SLC39A9: variants seen among roughly 807,000 people sequenced by gnomAD.
SLC39A9 encodes the protein zinc transporter ZIP9.
SLC39A9 carries 14 observed loss-of-function variants against 28.4 expected under a neutral mutation model. That is an observed-to-expected ratio of 0.49 (90% CI 0.33 to 0.77). SLC39A9 has a LOEUF of 0.77. SLC39A9 is among the 30% of genes least tolerant of loss of function. SLC39A9 has a pLI of 0.02. For missense variants in SLC39A9, 283 were observed against 381.1 expected (o/e 0.74, Z 2.14); for synonymous variants, 119 against 149.6 (o/e 0.80, Z 1.49).
chr14:69,445,654 AC>A (rs1419140276), intron 3 of SLC39A9, among the ~76,000 whole-genome samples: 1 of 152,188 alleles, frequency 6.6e-6, no homozygotes, highest in Non-Finnish European at 1.5e-5. Flanking sequence ...ACTTACCTTT[AC>A]AAAAAAGAAA....
intron 1 of SLC39A9, among the ~76,000 whole-genome samples, chr14:69,414,168 C>T (rs968582292): frequency 2.6e-5 from 4 of 151,958 alleles, no homozygotes; most frequent in African/African-American, 9.7e-5. Context: ...CTCTCTCAGC[C>T]TCCTGAGTAG....
At chr14:69,433,847 C>G (rs1300845531) in intron 2 of SLC39A9, among the ~76,000 whole-genome samples, 3 of 152,080 alleles carry the variant, frequency 2.0e-5, no homozygotes, top group Non-Finnish European at 4.4e-5. Context: ...TACAGTGGCA[C>G]AGTCTCAGCT....
rs2139464445 is a variant in SLC39A9 at position 69,459,669 on chromosome 14, A to G, written c.*1076A>G. 5 of 984,938 alleles carry G rather than the reference A, an allele frequency of 5.1e-6. No individual in the cohort carries two copies. The highest frequency in any genetic ancestry group is 6.0e-6 in the Non-Finnish European group (5 of 829,770). 61.0% of individuals were successfully genotyped at this position (984,938 alleles called of 1,614,324 possible). On this transcript the variant is annotated 3_prime_UTR_variant, in exon 7 of 7. Coordinates refer to ENST00000336643, the MANE Select transcript of SLC39A9 (RefSeq NM_018375.5). ...TTCTCACATAACCACCTGTAGCAAG[A>G]TGGATCATAAATGAGAAGTGTTTGC...
chr14:69,426,074 A>G (rs373619907), intron 2 of SLC39A9, among the ~76,000 whole-genome samples: 2 of 152,342 alleles, frequency 1.3e-5, no homozygotes, highest in East Asian at 3.9e-4. Flanking sequence ...AATCATAAAC[A>G]CAGAAGAAAA....
chr14:69,440,505 A>G (rs574556609), intron 2 of SLC39A9, among the ~76,000 whole-genome samples: 106 of 152,270 alleles, frequency 7.0e-4, no homozygotes, highest in Middle Eastern at 3.4e-3. Flanking sequence ...GGATGACTTC[A>G]GTCCAGGAAA....
intron 1 of SLC39A9, among the ~76,000 whole-genome samples, chr14:69,406,525 A>G (rs1462043232): frequency 6.6e-6 from 1 of 152,040 alleles, no homozygotes; most frequent in Non-Finnish European, 1.5e-5. Context: ...TCAGCTCAGT[A>G]TGGAATTCCA....
intron 1 of SLC39A9, among the ~76,000 whole-genome samples, chr14:69,403,396 T>C (rs1882742308): frequency 6.6e-6 from 1 of 152,238 alleles, no homozygotes; most frequent in African/African-American, 2.4e-5. Context: ...GTTACTCACC[T>C]GAGTATGTCT....
intron 1 of SLC39A9, among the ~76,000 whole-genome samples, chr14:69,421,767 G>A (rs139213776): frequency 2.4e-4 from 37 of 152,294 alleles, no homozygotes; most frequent in African/African-American, 5.1e-4. Flanking sequence ...GGACTGCTGC[G>A]CTAGCAGTGA....
chr14:69,451,077 T>G (rs1320964305), intron 3 of SLC39A9, among the ~76,000 whole-genome samples: 1 of 152,218 alleles, frequency 6.6e-6, no homozygotes, highest in Non-Finnish European at 1.5e-5. Context: ...ATGATAAGCC[T>G]TTGTATAAAA....
chr14:69,407,302 C>CCTTCCTTCCTTCCTTCCTT (rs1555405708), intron 1 of SLC39A9, among the ~76,000 whole-genome samples: 94 of 143,936 alleles, frequency 6.5e-4, no homozygotes, highest in African/African-American at 2.3e-3. Context: ...TCCCTTCCTT[C>CCTTCCTTCCTTCCTTCCTT]CCTTCCTTCC....
intron 6 of SLC39A9, among the ~76,000 whole-genome samples, chr14:69,457,936 A>G (rs1885941990): frequency 6.6e-6 from 1 of 152,220 alleles, no homozygotes; most frequent in South Asian, 2.1e-4. Context: ...GGACAGAATG[A>G]TGGAACTGTG....
chr14:69,410,504 G>C (rs1364400593), intron 1 of SLC39A9, among the ~76,000 whole-genome samples: 4 of 152,324 alleles, frequency 2.6e-5, no homozygotes, highest in Middle Eastern at 3.4e-3. Context: ...AGCCCAGGAA[G>C]GTTAAAGACT....
chr14:69,454,552 G>A, intron 4 of SLC39A9: 1 of 325,018 alleles, frequency 3.1e-6, no homozygotes, highest in Non-Finnish European at 5.6e-6. Context: ...AACAACAACA[G>A]CAACCAAAAT....
intron 3 of SLC39A9, among the ~76,000 whole-genome samples, chr14:69,446,115 C>G (rs2139434583): frequency 6.6e-6 from 1 of 151,780 alleles, no homozygotes; most frequent in Non-Finnish European, 1.5e-5. Context: ...GTCAATGGGT[C>G]ATGTTGATGT....
At chr14:69,423,126 T>A (rs1434694560) in intron 1 of SLC39A9, among the ~76,000 whole-genome samples, 1 of 152,182 alleles carries the variant, frequency 6.6e-6, no homozygotes, top group African/African-American at 2.4e-5. Context: ...AGTTATAAAT[T>A]TTAAGTAAAA....
intron 1 of SLC39A9, among the ~76,000 whole-genome samples, chr14:69,407,646 TTTTTA>T (rs1883015202): frequency 6.8e-6 from 1 of 146,306 alleles, no homozygotes; most frequent in Non-Finnish European, 1.5e-5. Context: ...TTTCTTTTTT[TTTTTA>T]TTTTGAGACA....
chr14:69,434,083 CTTTTTT>C (rs570635766), intron 2 of SLC39A9, among the ~76,000 whole-genome samples: 1 of 128,332 alleles, frequency 7.8e-6, no homozygotes, highest in Admixed American at 7.8e-5. Context: ...CTTTTCTTTT[CTTTTTT>C]TTTTTTTTTT....
intron 4 of SLC39A9, 135 bp downstream of exon 4, chr14:69,453,444 C>T (rs1885709917): frequency 2.9e-6 from 2 of 687,520 alleles, no homozygotes; most frequent in East Asian, 2.9e-5. Flanking sequence ...ATGAAGTCCT[C>T]CAACACAAGC....
At chr14:69,402,247 A>G (rs1420707603) in intron 1 of SLC39A9, among the ~76,000 whole-genome samples, 1 of 152,176 alleles carries the variant, frequency 6.6e-6, no homozygotes, top group Non-Finnish European at 1.5e-5. Flanking sequence ...ATGCAAAAAA[A>G]AACTCATAAT....
Sources: allele counts gnomAD v4.1 joint callset (sites outside exome capture counted in the v4.1 genomes callset), GRCh38; gene constraint gnomAD v4.1.1; transcripts MANE v1.5; gene names NCBI Gene and HGNC (gene_info 2026-07-23, HGNC 2026-07-21).